Variants in ATP7B observed in about 807,000 individuals in gnomAD.
ATP7B encodes the protein ATPase copper transporting beta.
ATP7B carries 113 observed loss-of-function variants against 118.9 expected under a neutral mutation model. The ratio of observed to expected loss-of-function variants is 0.95; its 90% CI spans 0.82 to 1.11. The LOEUF (loss-of-function observed/expected upper bound fraction) is 1.11. ATP7B is among the 50% of genes most tolerant of loss of function. The pLI is 0.00. For synonymous variants in ATP7B, 777 were observed against 727.4 expected (o/e 1.07, Z -1.10); for missense variants, 1,867 against 1,871.4 (o/e 1.00, Z 0.04).
In ATP7B at chr13:51,945,153, C is replaced by A. The variant is rs183684768; in HGVS notation, c.3061-862G>T. On this transcript the variant is annotated intron_variant, in intron 13 of 20. Transcript: ENST00000242839. ...AGCTTTCAGCGCAACCTTAACACTG[C>A]AGCCGGAATGATCTTCCCAACACAC... is the stretch of plus-strand genomic sequence containing the variant. 2.6e-5 allele frequency among the ~76,000 whole-genome samples: 4 copies of A among 152,304 alleles called. No individual in the cohort carries two copies. In the East Asian group the frequency reaches 7.7e-4, roughly 29 times the overall value.
chr13:51,958,222 T>G (rs146708261), intron 8 of ATP7B, 89 bp downstream of exon 8: 12 of 1,398,548 alleles, frequency 8.6e-6, no homozygotes, highest in Non-Finnish European at 1.1e-5. Flanking sequence ...ATGCTGTGTA[T>G]AATTAGTAAT....
intron 20 of ATP7B, among the ~76,000 whole-genome samples, chr13:51,935,362 T>C (rs1956894999): frequency 6.6e-6 from 1 of 152,182 alleles, no homozygotes; most frequent in African/African-American, 2.4e-5. Flanking sequence ...TAAACAGCCC[T>C]TGAGGAGCAG....
rs753700916 is a variant in ATP7B at position 51,970,551 on chromosome 13, T to C, written c.1484A>G (p.Lys495Arg). 6.2e-7 allele frequency: 1 copy of C among 1,614,162 alleles called. No homozygotes were observed. Among genetic ancestry groups the C allele is most frequent in the South Asian group, 1.1e-5 (1 of 91,078 alleles). The change falls in exon 3 of 21, where the codon AAA (lysine) becomes AGA (arginine). Residue 495 changes from lysine to arginine, a missense_variant. Transcript: ENST00000242839. ...VAPQKCFLQI[K>R]GMTCASCVSN... The stretch of plus-strand genomic sequence containing the variant: ...CACACAGGATGCACAGGTCATGCCT[T>C]TGATCTGTAAGAAGCACTTCTGCGG...
Position 51,937,666 on chromosome 13 carries a change from T to C in ATP7B, c.3713A>G (p.Lys1238Arg), listed in dbSNP as rs1957053329. The change falls in exon 18 of 21, where the codon AAA (lysine) becomes AGA (arginine). Residue 1238 changes from lysine to arginine, a missense_variant. By Grantham distance (26) the Lys-to-Arg change is conservative. Transcript: ENST00000242839. ...CGAAGGCAGCACCTCTGCAAAGACT[T>C]TGTTGATGCCAACCTAAGACAAAAG... ...RAIATQVGIN[K>R]VFAEVLPSHK... is the part of the protein sequence containing the mutation. 1 of 1,614,116 alleles carries C rather than the reference T, an allele frequency of 6.2e-7. No homozygotes were observed. The highest frequency in any genetic ancestry group is 1.1e-5 in the South Asian group (1 of 91,088).
In ATP7B at chr13:51,958,394, T is replaced by C. The variant is rs754314807; in HGVS notation, c.2272A>G (p.Arg758Gly). The C allele has an allele frequency of 3.1e-6, 5 of 1,614,198 alleles. No individual in the cohort carries two copies. The highest frequency in any genetic ancestry group is 1.3e-5 in the African/African-American group (1 of 75,034). ...GTGTCGAAGAATGTCACAGGGCTCCTCTCCGCCTTCTCAGCCACAGCAACC... is the reference window on the plus strand; with the variant it reads ...GTGTCGAAGAATGTCACAGGGCTCCCCTCCGCCTTCTCAGCCACAGCAACC... Reference protein sequence around the residue: ...LVVAVAEKAERSPVTFFDTPP... With the variant: ...LVVAVAEKAEGSPVTFFDTPP... Residue 758 changes from arginine to glycine, a missense_variant, in exon 8 of 21, where the codon AGG becomes GGG. Transcript: ENST00000242839.
chr13:52,000,502 C>T (rs1302787065), intron 1 of ATP7B, among the ~76,000 whole-genome samples: 1 of 152,214 alleles, frequency 6.6e-6, no homozygotes, highest in African/African-American at 2.4e-5. Context: ...AACATTCAGA[C>T]TATATCACCA....
upstream of ATP7B, among the ~76,000 whole-genome samples, chr13:52,011,732 C>T (rs928570116): frequency 1.3e-5 from 2 of 152,258 alleles, no homozygotes; most frequent in Admixed American, 1.3e-4. Context: ...GCCGTGCCGG[C>T]GCCGCAGGGC....
chr13:51,989,230 G>T (rs1186795214), intron 1 of ATP7B, among the ~76,000 whole-genome samples: 1 of 152,074 alleles, frequency 6.6e-6, no homozygotes, highest in Non-Finnish European at 1.5e-5. Flanking sequence ...ATTCCCCCAA[G>T]CCCTTCACTC....
At chr13:51,967,142 T>C (rs1348460315) in intron 4 of ATP7B, 18 of 1,586,852 alleles carry the variant, frequency 1.1e-5, no homozygotes, top group East Asian at 2.2e-5. Context: ...TATGAAAAAG[T>C]AGAATAAAAA....
chr13:51,975,878 C>G (rs1249179908), intron 1 of ATP7B, among the ~76,000 whole-genome samples: 1 of 152,196 alleles, frequency 6.6e-6, no homozygotes, highest in Non-Finnish European at 1.5e-5. Context: ...GCTGGAAGAA[C>G]AGAAAGTTGA....
In ATP7B at chr13:51,970,902, G is replaced by A. The variant is rs74087030; in HGVS notation, c.1286-153C>T. ...GCTCCAGTAACTACCTTGTCCCTCA[G>A]CCATCCTGGAGGACAGAGCTCCCTG... On this transcript the variant is annotated intron_variant, in intron 2 of 20. Coordinates refer to ENST00000242839, the MANE Select transcript of ATP7B (RefSeq NM_000053.4). Among the ~76,000 whole-genome samples, 616 of 151,494 alleles carry A rather than the reference G, an allele frequency of 4.1e-3. 3 individuals are homozygous for A. The highest frequency in any genetic ancestry group is 0.014 in the African/African-American group (598 of 41,342).
chr13:51,968,674 A>G, intron 3 of ATP7B, 67 bp from the exon 4 acceptor site: 1 of 1,561,128 alleles, frequency 6.4e-7, no homozygotes, highest in Non-Finnish European at 8.8e-7. Flanking sequence ...CACAGTCAAT[A>G]TAACCGAACA....
chr13:51,982,017 T>C (rs1952447056), intron 1 of ATP7B, among the ~76,000 whole-genome samples: 1 of 151,858 alleles, frequency 6.6e-6, no homozygotes, highest in Non-Finnish European at 1.5e-5. Context: ...TTTTTTTTTT[T>C]TTTTTTAGCT....
At chr13:51,961,392 ACTCAGC>A (rs1443617306) in intron 6 of ATP7B, among the ~76,000 whole-genome samples, 1 of 151,846 alleles carries the variant, frequency 6.6e-6, no homozygotes, top group Admixed American at 6.6e-5. Flanking sequence ...TTTTCTTTCC[ACTCAGC>A]CATTATGCCT....
intron 9 of ATP7B, among the ~76,000 whole-genome samples, chr13:51,953,851 T>TAAAAA (rs561139788): frequency 1.3e-4 from 12 of 94,376 alleles, no homozygotes; most frequent in South Asian, 1.1e-3. Flanking sequence ...CCATCAATTG[T>TAAAAA]AAAAAAAAAA....
intron 18 of ATP7B, 37 bp from the exon 19 acceptor site, chr13:51,937,430 C>T (rs1957034381): frequency 6.2e-7 from 1 of 1,614,092 alleles, no homozygotes; most frequent in African/African-American, 1.3e-5. Context: ...AAGGGGTCTG[C>T]CCATTGCCCT....
intron 3 of ATP7B, among the ~76,000 whole-genome samples, chr13:51,968,973 G>A (rs1450636072): frequency 1.3e-5 from 2 of 149,178 alleles, no homozygotes; most frequent in Non-Finnish European, 3.0e-5. Context: ...TGATTCTCCT[G>A]CCTCAGCCTC....
At position 52,011,415 on chromosome 13, in the gene ATP7B, T is replaced by C. The variant is rs1377002013; in HGVS notation, c.-78A>G. The stretch of plus-strand genomic sequence containing the variant: ...ACCTGGTCGGTGGAGGAGAGCGGGG[T>C]GTTAAAGTCCCGGGAGAGGAGGCGC... On this transcript the variant is annotated 5_prime_UTR_variant, in exon 1 of 21. Coordinates refer to ENST00000242839, the MANE Select transcript of ATP7B (RefSeq NM_000053.4). 1 of 1,595,570 alleles carries C rather than the reference T, an allele frequency of 6.3e-7. No homozygotes were observed. The highest frequency in any genetic ancestry group is 8.6e-7 in the Non-Finnish European group (1 of 1,164,658).
At chr13:52,009,923 G>A (rs576766760) in intron 1 of ATP7B, among the ~76,000 whole-genome samples, 1 of 152,150 alleles carries the variant, frequency 6.6e-6, no homozygotes, top group Non-Finnish European at 1.5e-5. Flanking sequence ...AGTGCACATA[G>A]AGGGATATGA....
Sources: gnomAD v4.1 joint callset for allele counts (sites outside exome capture counted in the v4.1 genomes callset) on GRCh38, gnomAD v4.1.1 for gene constraint, MANE v1.5 for transcripts, NCBI Gene and HGNC (gene_info 2026-07-23, HGNC 2026-07-21) for gene names.